RNLS: variants seen among roughly 807,000 people sequenced by gnomAD.
The protein encoded by RNLS is renalase.
In RNLS, 39 loss-of-function variants were observed where a neutral mutation model predicts 39.8. The observed-to-expected ratio is 0.98, with a 90% CI of 0.76 to 1.28. RNLS has a LOEUF of 1.28. RNLS is among the 50% of genes most tolerant of loss of function. RNLS has a pLI of 0.00. For missense variants in RNLS, 410 were observed against 413.3 expected (o/e 0.99, Z 0.07); for synonymous variants, 147 against 150.7 (o/e 0.98, Z 0.18).
chr10:88,342,333 GT>G (rs2133228553), intron 5 of RNLS, among the ~76,000 whole-genome samples: 2 of 152,306 alleles, frequency 1.3e-5, no homozygotes, highest in African/African-American at 4.8e-5. Flanking sequence ...CCTATTTCAA[GT>G]ATAGAACTTT....
At chr10:88,508,067 G>A (rs1845893836) in intron 4 of RNLS, among the ~76,000 whole-genome samples, 2 of 152,132 alleles carry the variant, frequency 1.3e-5, no homozygotes, top group Admixed American at 6.6e-5. Flanking sequence ...TTTTAAGTAA[G>A]CACTATGTTG....
intron 6 of RNLS, among the ~76,000 whole-genome samples, chr10:88,294,852 C>T (rs1201205621): frequency 6.6e-6 from 1 of 152,110 alleles, no homozygotes; most frequent in African/African-American, 2.4e-5. Context: ...CAAATGTTCT[C>T]TAAGGGTGGT....
chr10:88,518,928 C>G (rs575388284), intron 4 of RNLS, among the ~76,000 whole-genome samples: 1 of 151,970 alleles, frequency 6.6e-6, no homozygotes, highest in African/African-American at 2.4e-5. Context: ...TTCCATTTGA[C>G]CCTTGTATAT....
the RNLS span, among the ~76,000 whole-genome samples, chr10:88,267,974 G>A: frequency 6.6e-6 from 1 of 152,200 alleles, no homozygotes; most frequent in Non-Finnish European, 1.5e-5. Context: ...AGAAACGTTG[G>A]TGTAAGATTT....
intron 4 of RNLS, among the ~76,000 whole-genome samples, chr10:88,392,256 C>T (rs1303952090): frequency 6.6e-6 from 1 of 152,216 alleles, no homozygotes. Context: ...GATACGTCCA[C>T]AGGATGATTT....
chr10:88,254,576 A>T, the RNLS span, among the ~76,000 whole-genome samples: 2 of 152,194 alleles, frequency 1.3e-5, no homozygotes, highest in South Asian at 4.1e-4. Context: ...TTTCTGTGAG[A>T]CACACCTGTA....
chr10:88,442,968 G>A (rs6586134), intron 4 of RNLS, among the ~76,000 whole-genome samples: 89,636 of 151,970 alleles, frequency 0.59, 26,770 homozygotes, highest in African/African-American at 0.67. Flanking sequence ...TAAATTTGGC[G>A]TTCCCTGTTC....
chr10:88,308,440 A>C (rs111363331), intron 6 of RNLS, among the ~76,000 whole-genome samples: 8,457 of 139,892 alleles, frequency 0.06, 287 homozygotes, highest in South Asian at 0.12. Flanking sequence ...TTTACAAAAA[A>C]TAAAAAAAAA....
At chr10:88,448,494 G>T (rs956173106) in intron 4 of RNLS, among the ~76,000 whole-genome samples, 4 of 152,142 alleles carry the variant, frequency 2.6e-5, no homozygotes, top group African/African-American at 9.7e-5. Flanking sequence ...AAAAAGTCAG[G>T]AAACAACAGG....
chr10:88,250,900 CAT>C, the RNLS span, among the ~76,000 whole-genome samples: 1 of 152,102 alleles, frequency 6.6e-6, no homozygotes, highest in Admixed American at 6.6e-5. Flanking sequence ...GTGTATTTAA[CAT>C]AACAAAATAC....
intron 4 of RNLS, among the ~76,000 whole-genome samples, chr10:88,363,788 G>A (rs1732063679): frequency 2.0e-5 from 3 of 152,154 alleles, no homozygotes; most frequent in Admixed American, 2.0e-4. Flanking sequence ...CCACTTACCA[G>A]ATATGTGACA....
rs1042883399 is a variant in RNLS at position 88,540,344 on chromosome 10, A to G, written c.526+32559T>C. 2.0e-5 allele frequency among the ~76,000 whole-genome samples: 3 copies of G among 152,200 alleles called. No individual in the cohort carries two copies. In the East Asian group the frequency reaches 5.8e-4, roughly 29 times the overall value. The stretch of plus-strand genomic sequence containing the variant: ...ACTATAAAAGTATTATAATTTTTCA[A>G]CAAAGGTAATAATTAACACATCCAG... On this transcript the variant is annotated intron_variant, in intron 4 of 6. Coordinates refer to ENST00000331772, the MANE Select transcript of RNLS (RefSeq NM_001031709.3).
the RNLS span, among the ~76,000 whole-genome samples, chr10:88,230,610 A>G: frequency 1.3e-5 from 2 of 152,152 alleles, no homozygotes; most frequent in Admixed American, 1.3e-4. Context: ...TGCCTATAAA[A>G]CTAAGTCCAA....
At chr10:88,403,136 T>G (rs1022838167) in intron 4 of RNLS, among the ~76,000 whole-genome samples, 5 of 151,930 alleles carry the variant, frequency 3.3e-5, no homozygotes, top group Non-Finnish European at 7.4e-5. Context: ...AAATAATCCC[T>G]GGTTTCTTCA....
At chr10:88,239,134 C>T in the RNLS span, among the ~76,000 whole-genome samples, 2 of 152,114 alleles carry the variant, frequency 1.3e-5, no homozygotes, top group Admixed American at 1.3e-4. Flanking sequence ...CCTTTCAAGG[C>T]AAGGGGCTCT....
the RNLS span, among the ~76,000 whole-genome samples, chr10:88,217,196 G>A: frequency 2.6e-5 from 4 of 152,276 alleles, no homozygotes; most frequent in African/African-American, 9.6e-5. Context: ...ATGACACTAG[G>A]AGATAACACC....
intron 4 of RNLS, among the ~76,000 whole-genome samples, chr10:88,508,777 T>C (rs1845931655): frequency 6.6e-6 from 1 of 152,070 alleles, no homozygotes; most frequent in Non-Finnish European, 1.5e-5. Flanking sequence ...TTTGAGACAC[T>C]GTTTATACAG....
intron 5 of RNLS, among the ~76,000 whole-genome samples, chr10:88,341,295 C>T (rs1847938274): frequency 6.9e-6 from 1 of 144,794 alleles, no homozygotes; most frequent in African/African-American, 2.6e-5. Context: ...TGCCATTGCA[C>T]TCCAGCCTGG....
intron 5 of RNLS, among the ~76,000 whole-genome samples, chr10:88,331,634 C>T (rs1847117123): frequency 6.6e-6 from 1 of 152,290 alleles, no homozygotes; most frequent in Non-Finnish European, 1.5e-5. Context: ...AACAGATTCA[C>T]ATGAGGAGAG....
Sources: gnomAD v4.1 joint callset for allele counts (sites outside exome capture counted in the v4.1 genomes callset) on GRCh38, gnomAD v4.1.1 for gene constraint, MANE v1.5 for transcripts, NCBI Gene and HGNC (gene_info 2026-07-23, HGNC 2026-07-21) for gene names.